The following ALG14 variants were observed in gnomAD, a reference collection of about 807,000 sequenced individuals.
ALG14 encodes UDP-N-acetylglucosamine transferase subunit ALG14.
In ALG14, 17 loss-of-function variants were observed where a neutral mutation model predicts 22.8. The ratio of observed to expected loss-of-function variants is 0.75; its 90% CI spans 0.51 to 1.12. ALG14 has a LOEUF of 1.12. ALG14 is among the 50% of genes most tolerant of loss of function. ALG14 has a pLI of 0.00. For synonymous variants in ALG14, 89 were observed against 103.7 expected (o/e 0.86, Z 0.86); for missense variants, 288 against 271.8 (o/e 1.06, Z -0.42).
intron 2 of ALG14, chr1:95,062,150 T>C (rs987781950): frequency 2.6e-5 from 4 of 152,176 alleles, no homozygotes; most frequent in African/African-American, 9.7e-5. Context: ...AGAGCTTTAA[T>C]GAAGAGCCAA....
chr1:95,024,850 T>G (rs927870937), intron 3 of ALG14, among the ~76,000 whole-genome samples: 1 of 152,192 alleles, frequency 6.6e-6, no homozygotes, highest in African/African-American at 2.4e-5. Context: ...CTTCTTCCAC[T>G]TGAGTCTTGA....
chr1:94,983,013 C>T lies in ALG14; in HGVS notation c.*63G>A. The stretch of plus-strand genomic sequence containing the variant: ...TACAAGAAACATGTAGGGTTTTTTT[C>T]CCCCCAATTTGAGTACATACTACTG... On this transcript the variant is annotated 3_prime_UTR_variant, in exon 4 of 4. Coordinates refer to ENST00000370205, the MANE Select transcript of ALG14 (RefSeq NM_144988.4). The T allele has an allele frequency of 7.2e-7, 1 of 1,386,938 alleles. No homozygotes were observed. Among genetic ancestry groups the T allele is most frequent in the Non-Finnish European group, 1.0e-6 (1 of 986,784 alleles). The allele number at this position is 1,386,938 out of a possible 1,614,324, so 85.9% of individuals were successfully genotyped here.
chr1:94,980,278 C>T lies in ALG14; in HGVS notation c.*2798G>A, dbSNP rs934271475. The T allele has an allele frequency of 4.6e-5, 7 of 152,132 alleles. No individual in the cohort carries two copies. Among genetic ancestry groups the T allele is most frequent in the Admixed American group, 3.3e-4 (5 of 15,270 alleles). The allele number at this position is 152,132 out of a possible 1,614,324, so 9.4% of individuals were successfully genotyped here. A position where few individuals can be genotyped will look rare whatever the true frequency, so the allele number is the denominator to read the frequency against. ...GTTGACACGGTTTCATAGCACTCTT[C>T]GTTCCAGGCTAAAGTTTCCTGTCAT... On this transcript the variant is annotated 3_prime_UTR_variant, in exon 4 of 4. Transcript: ENST00000370205.
chr1:94,991,364 C>T (rs1014793542), intron 3 of ALG14, among the ~76,000 whole-genome samples: 4 of 152,206 alleles, frequency 2.6e-5, no homozygotes, highest in Admixed American at 1.3e-4. Context: ...GGATGTTACA[C>T]CTACGCTAAA....
chr1:95,009,921 C>A (rs747576902), intron 3 of ALG14, among the ~76,000 whole-genome samples: 3 of 152,030 alleles, frequency 2.0e-5, no homozygotes, highest in Non-Finnish European at 4.4e-5. Flanking sequence ...ATTTTTGCAA[C>A]TTTTGTGTAA....
intron 2 of ALG14, among the ~76,000 whole-genome samples, chr1:95,036,142 T>C (rs112790624): frequency 3.3e-5 from 5 of 152,288 alleles, no homozygotes; most frequent in African/African-American, 1.2e-4. Flanking sequence ...TGTGGGCCCC[T>C]GATATAGTTT....
At chr1:95,056,127 A>T (rs1372667066) in intron 2 of ALG14, among the ~76,000 whole-genome samples, 1 of 152,156 alleles carries the variant, frequency 6.6e-6, no homozygotes, top group East Asian at 1.9e-4. Flanking sequence ...ATAGAGAGCT[A>T]GGCTGAACAG....
At chr1:95,013,345 T>A (rs6681009) in intron 3 of ALG14, among the ~76,000 whole-genome samples, 46,455 of 151,578 alleles carry the variant, frequency 0.31, 7,801 homozygotes, top group African/African-American at 0.44. Context: ...TTATTTATTT[T>A]TTTTTTTTGA....
chr1:95,007,718 A>T (rs2100744962), intron 3 of ALG14, among the ~76,000 whole-genome samples: 1 of 152,352 alleles, frequency 6.6e-6, no homozygotes, highest in Admixed American at 6.5e-5. Context: ...GTTTGAACTT[A>T]TGGAAACTAT....
intron 2 of ALG14, among the ~76,000 whole-genome samples, chr1:95,047,577 C>G (rs919790687): frequency 2.0e-5 from 3 of 152,170 alleles, no homozygotes; most frequent in African/African-American, 7.2e-5. Context: ...CTCCTGACCT[C>G]AGCTGATCTG....
rs75783316 is a variant in ALG14 at position 95,012,908 on chromosome 1, G to A, written c.420+14221C>T. On this transcript the variant is annotated intron_variant, in intron 3 of 3. Coordinates refer to ENST00000370205, the MANE Select transcript of ALG14 (RefSeq NM_144988.4). ...AGCACTTTGGGAGGCCGATGAGGGC[G>A]AATCACCTGAGGTTGGGAGTTCAAG... Among the ~76,000 whole-genome samples the A allele has an allele frequency of 3.8e-3, 572 of 152,150 alleles. 1 individual carries two copies. The highest frequency in any genetic ancestry group is 0.011 in the African/African-American group (468 of 41,502).
At chr1:95,064,826 G>A (rs777992717) in intron 2 of ALG14, 40 bp downstream of exon 2, 4 of 1,583,970 alleles carry the variant, frequency 2.5e-6, no homozygotes, top group Non-Finnish European at 3.4e-6. Context: ...AACTCAATGT[G>A]CAACTTGTAA....
At position 94,976,858 on chromosome 1, in the gene ALG14, A is replaced by C. The variant is rs1480287146; in HGVS notation, c.*6218T>G. ...AAGGGACGTAATTATGATCCTAATC[A>C]GTTGACCTTGAATTAATCAAAAGGG... On this transcript the variant is annotated 3_prime_UTR_variant, in exon 4 of 4. Coordinates refer to ENST00000370205, the MANE Select transcript of ALG14 (RefSeq NM_144988.4). 1 of 152,214 alleles carries C rather than the reference A, an allele frequency of 6.6e-6. No homozygotes were observed. The highest frequency in any genetic ancestry group is 1.9e-4 in the East Asian group (1 of 5,192). The allele number at this position is 152,214 out of a possible 1,614,324, so 9.4% of individuals were successfully genotyped here.
intron 3 of ALG14, among the ~76,000 whole-genome samples, chr1:95,018,184 A>T (rs1048333117): frequency 1.3e-5 from 2 of 152,206 alleles, no homozygotes; most frequent in African/African-American, 4.8e-5. Flanking sequence ...ATTGGAAATT[A>T]TAGGAAATCA....
chr1:95,012,050 T>C (rs1347295410), intron 3 of ALG14, among the ~76,000 whole-genome samples: 2 of 152,150 alleles, frequency 1.3e-5, no homozygotes, highest in African/African-American at 2.4e-5. Flanking sequence ...CAAGATCTGA[T>C]GATTTTATAA....
At chr1:95,033,418 T>TAC (rs1234307055) in intron 2 of ALG14, among the ~76,000 whole-genome samples, 208 of 130,416 alleles carry the variant, frequency 1.6e-3, no homozygotes, top group African/African-American at 3.4e-3. Context: ...TATATATATA[T>TAC]ATACACACAC....
intron 2 of ALG14, among the ~76,000 whole-genome samples, chr1:95,045,948 T>TAG (rs532284841): frequency 2.8e-5 from 4 of 141,788 alleles, no homozygotes; most frequent in East Asian, 2.0e-4. Context: ...AGTATACTAA[T>TAG]AATTAGTATA....
At chr1:95,038,144 A>C (rs1674257863) in intron 2 of ALG14, among the ~76,000 whole-genome samples, 1 of 152,148 alleles carries the variant, frequency 6.6e-6, no homozygotes, top group Non-Finnish European at 1.5e-5. Flanking sequence ...AGAGTTTGAA[A>C]CCTGCTTGGC....
intron 3 of ALG14, chr1:95,022,252 A>C: frequency 1.1e-6 from 1 of 921,588 alleles, no homozygotes; most frequent in Non-Finnish European, 1.3e-6. Context: ...GAACTCACTC[A>C]ATGTGAAACA....
Sources: gnomAD v4.1 joint callset for allele counts (sites outside exome capture counted in the v4.1 genomes callset) on GRCh38, gnomAD v4.1.1 for gene constraint, MANE v1.5 for transcripts, NCBI Gene and HGNC (gene_info 2026-07-23, HGNC 2026-07-21) for gene names.